Variants in LRBA observed in about 807,000 individuals in gnomAD.
LRBA encodes the protein lipopolysaccharide-responsive and beige-like anchor protein.
In LRBA, 176 loss-of-function variants were observed where a neutral mutation model predicts 330.0. The ratio of observed to expected loss-of-function variants is 0.53; its 90% CI spans 0.47 to 0.60. LRBA has a LOEUF of 0.60. Among genes scored for constraint, LRBA ranks in the 20% least tolerant of loss-of-function variants. The probability of loss-of-function intolerance (pLI) is 0.00; values close to 1 mark genes in which losing one functional copy is unlikely to be tolerated. For synonymous variants in LRBA, 1,230 were observed against 1,193.0 expected (o/e 1.03, Z -0.64); for missense variants, 3,259 against 3,444.8 (o/e 0.95, Z 1.35).
intron 16 of LRBA, among the ~76,000 whole-genome samples, chr4:150,895,216 G>C (rs1729930600): frequency 1.3e-5 from 2 of 151,712 alleles, no homozygotes; most frequent in Admixed American, 1.3e-4. Flanking sequence ...GATTGCAACT[G>C]ACATATATTG....
intron 28 of LRBA, among the ~76,000 whole-genome samples, chr4:150,835,073 A>G (rs1747818286): frequency 6.6e-6 from 1 of 152,070 alleles, no homozygotes; most frequent in Non-Finnish European, 1.5e-5. Flanking sequence ...TCCTTTCCCC[A>G]TTTCTTGTTT....
intron 40 of LRBA, among the ~76,000 whole-genome samples, chr4:150,506,575 T>C (rs574925796): frequency 9.2e-5 from 14 of 152,260 alleles, no homozygotes; most frequent in Non-Finnish European, 1.6e-4. Context: ...ATGGGACATA[T>C]CTCAAAATAA....
intron 44 of LRBA, among the ~76,000 whole-genome samples, chr4:150,456,987 T>C (rs1181751243): frequency 6.6e-6 from 1 of 152,134 alleles, no homozygotes; most frequent in Non-Finnish European, 1.5e-5. Context: ...TGTAGGTATG[T>C]GGATTTGTAA....
At position 150,905,911 on chromosome 4, in the gene LRBA, C is replaced by G. The variant is rs750985175; in HGVS notation, c.1682G>C (p.Gly561Ala). 3 of 1,613,226 alleles carry G rather than the reference C, an allele frequency of 1.9e-6. No individual in the cohort carries two copies. In the Admixed American group the frequency reaches 5.0e-5, roughly 27 times the overall value. Reference sequence around the variant, plus strand: ...ACACAATTGCTTGAGCAGGGGCATCCCATTCTGCAGATTACTCAGATATTT... The same window carrying G: ...ACACAATTGCTTGAGCAGGGGCATCGCATTCTGCAGATTACTCAGATATTT... ...FSKYLSNLQN[G>A]MPLLKQLCDH... The change falls in exon 13 of 57, where the codon GGG becomes GCG. Residue 561 changes from glycine to alanine, a missense_variant. Transcript: ENST00000651943.
At chr4:150,475,906 A>AC (rs1190339852) in intron 42 of LRBA, among the ~76,000 whole-genome samples, 1 of 151,178 alleles carries the variant, frequency 6.6e-6, no homozygotes, top group African/African-American at 2.4e-5. Context: ...TCGTGTCTCT[A>AC]CAAAAAAAAA....
intron 37 of LRBA, among the ~76,000 whole-genome samples, chr4:150,642,815 A>G (rs574316500): frequency 2.0e-5 from 3 of 152,028 alleles, no homozygotes; most frequent in African/African-American, 7.2e-5. Context: ...TTATATAGCA[A>G]ATGTTGTTTA....
chr4:150,343,371 T>C (rs1735849868), intron 48 of LRBA, among the ~76,000 whole-genome samples: 1 of 152,226 alleles, frequency 6.6e-6, no homozygotes, highest in South Asian at 2.1e-4. Context: ...TAATTGAAAT[T>C]ACAGTCTTTA....
chr4:150,844,622 T>C (rs1749584080), intron 27 of LRBA, 36 bp downstream of exon 27: 1 of 1,559,374 alleles, frequency 6.4e-7, no homozygotes, highest in Non-Finnish European at 8.7e-7. Context: ...AAAATAGGAG[T>C]ATGCTTTTTG....
chr4:150,415,898 C>A (rs1747666057), intron 46 of LRBA, among the ~76,000 whole-genome samples: 1 of 152,118 alleles, frequency 6.6e-6, no homozygotes, highest in Non-Finnish European at 1.5e-5. Context: ...AAGATATAAA[C>A]ATAAATTACC....
chr4:150,496,770 G>A (rs1002567275), intron 40 of LRBA, among the ~76,000 whole-genome samples: 15 of 151,970 alleles, frequency 9.9e-5, no homozygotes, highest in Admixed American at 5.2e-4. Flanking sequence ...AATAAAATCA[G>A]GTAATATATA....
chr4:150,769,548 G>T (rs914365547), intron 34 of LRBA, among the ~76,000 whole-genome samples: 3 of 152,172 alleles, frequency 2.0e-5, no homozygotes, highest in Non-Finnish European at 4.4e-5. Context: ...AGGCAGTTAG[G>T]CAGAAGAAAT....
intron 4 of LRBA, among the ~76,000 whole-genome samples, chr4:150,924,657 T>C (rs979573943): frequency 5.9e-5 from 9 of 152,208 alleles, no homozygotes; most frequent in African/African-American, 1.9e-4. Flanking sequence ...GAGATTTAGA[T>C]ATAGGGATTT....
intron 10 of LRBA, 48 bp downstream of exon 10, chr4:150,908,612 C>T (rs982904054): frequency 1.3e-6 from 2 of 1,526,450 alleles, no homozygotes; most frequent in African/African-American, 2.8e-5. Flanking sequence ...CTCAATAACA[C>T]ATCAAAAATT....
At chr4:150,643,707 G>A (rs536601064) in intron 37 of LRBA, among the ~76,000 whole-genome samples, 1 of 152,020 alleles carries the variant, frequency 6.6e-6, no homozygotes, top group East Asian at 1.9e-4. Context: ...AGGATAAAGA[G>A]ATAAAAGTGG....
At chr4:150,330,712 G>T (rs1733879468) in intron 48 of LRBA, among the ~76,000 whole-genome samples, 1 of 152,174 alleles carries the variant, frequency 6.6e-6, no homozygotes. Context: ...CTCCTGCTAT[G>T]CAGCCTGGTT....
In LRBA at chr4:150,915,712, T is replaced by C. The variant is rs758438007; in HGVS notation, c.910A>G (p.Ile304Val). The part of the protein sequence containing the change: ...FKPQKWYMVT[I>V]VHIYNRWKNS... The stretch of plus-strand genomic sequence containing the variant: ...TTCCATCGGTTATAGATGTGTACTA[T>C]GGTAACCATATACCACTGCAGAAGC... Residue 304 changes from isoleucine to valine, a missense_variant, in exon 8 of 57, where the codon ATA becomes GTA. By Grantham distance (29) the Ile-to-Val change is conservative. Coordinates refer to ENST00000651943, the MANE Select transcript of LRBA (RefSeq NM_001364905.1). The C allele has an allele frequency of 1.2e-6, 2 of 1,608,482 alleles. No individual in the cohort carries two copies. The highest frequency in any genetic ancestry group is 1.7e-5 in the Admixed American group (1 of 58,814).
Position 150,928,995 on chromosome 4 carries a change from A to G in LRBA, c.287T>C (p.Val96Ala). The G allele has an allele frequency of 6.2e-7, 1 of 1,613,806 alleles. No individual in the cohort carries two copies. Among genetic ancestry groups the G allele is most frequent in the Non-Finnish European group, 8.5e-7 (1 of 1,179,964 alleles). Residue 96 changes from valine to alanine, a missense_variant, in exon 3 of 57, where the codon GTG becomes GCG. By Grantham distance (64) the Val-to-Ala change is moderately conservative. Transcript: ENST00000651943. ...IQEGESINCM[V>A]DLLEKCDITC... ...AATGTCACATTTTTCCAGTAGGTCC[A>G]CCATGCAGTTAATACTCTCACCTTC...
chr4:150,842,632 GAAT>G (rs1395337631), intron 28 of LRBA, among the ~76,000 whole-genome samples: 1 of 152,118 alleles, frequency 6.6e-6, no homozygotes, highest in African/African-American at 2.4e-5. Flanking sequence ...TTAATTAAAG[GAAT>G]AATAACAGCT....
At chr4:150,620,142 G>C (rs1043537432) in intron 37 of LRBA, among the ~76,000 whole-genome samples, 1 of 151,984 alleles carries the variant, frequency 6.6e-6, no homozygotes, top group Non-Finnish European at 1.5e-5. Context: ...AACTACAATA[G>C]TGTATTTTTA....
Sources: allele counts gnomAD v4.1 joint callset (sites outside exome capture counted in the v4.1 genomes callset), GRCh38; gene constraint gnomAD v4.1.1; transcripts MANE v1.5; gene names NCBI Gene and HGNC (gene_info 2026-07-23, HGNC 2026-07-21).